Variants in HS6ST3 observed in about 807,000 individuals in gnomAD.
HS6ST3 encodes heparan-sulfate 6-O-sulfotransferase 3.
HS6ST3 carries 12 observed loss-of-function variants against 36.7 expected under a neutral mutation model. The observed-to-expected ratio is 0.33, with a 90% confidence interval of 0.21 to 0.53. HS6ST3 has a LOEUF of 0.53. HS6ST3 is among the 20% of genes least tolerant of loss of function. HS6ST3 has a pLI of 0.95. For missense variants in HS6ST3, 584 were observed against 640.9 expected, an observed-to-expected ratio of 0.91 and a Z score of 0.96; for synonymous variants, 240 against 257.5, an observed-to-expected ratio of 0.93 and a Z score of 0.65.
intron 1 of HS6ST3, among the ~76,000 whole-genome samples, chr13:96,770,898 G>C (rs1481486769): frequency 6.6e-6 from 1 of 152,134 alleles, no homozygotes; most frequent in Non-Finnish European, 1.5e-5. Context: ...TTAGTCCATT[G>C]GCACAATGGC....
At chr13:96,671,547 C>T (rs2138431421) in intron 1 of HS6ST3, among the ~76,000 whole-genome samples, 1 of 152,176 alleles carries the variant, frequency 6.6e-6, no homozygotes, top group Admixed American at 6.5e-5. Flanking sequence ...GTATTTTTCT[C>T]ACAGCTTTGG....
chr13:96,174,270 T>TA (rs2054202294), intron 1 of HS6ST3, among the ~76,000 whole-genome samples: 1 of 152,222 alleles, frequency 6.6e-6, no homozygotes. Flanking sequence ...ATGTTTATAA[T>TA]ATTCTATATA....
chr13:96,691,105 G>A (rs915551208), intron 1 of HS6ST3, among the ~76,000 whole-genome samples: 1 of 152,092 alleles, frequency 6.6e-6, no homozygotes, highest in Non-Finnish European at 1.5e-5. Context: ...TAATGGATCT[G>A]CTTCATTTCA....
chr13:96,376,084 A>G (rs2055313284), intron 1 of HS6ST3, among the ~76,000 whole-genome samples: 1 of 152,172 alleles, frequency 6.6e-6, no homozygotes, highest in African/African-American at 2.4e-5. Context: ...AACATAATCC[A>G]GGCTTCCACC....
intron 1 of HS6ST3, among the ~76,000 whole-genome samples, chr13:96,741,892 C>T (rs947353082): frequency 7.2e-5 from 11 of 152,218 alleles, no homozygotes; most frequent in South Asian, 2.1e-4. Context: ...AGACTGAATA[C>T]GGGGGTCTGA....
intron 1 of HS6ST3, among the ~76,000 whole-genome samples, chr13:96,812,718 A>C (rs1407781345): frequency 6.6e-6 from 1 of 152,126 alleles, no homozygotes. Context: ...AAAGTTGTCA[A>C]CCCATTATGG....
At chr13:96,599,378 G>A (rs1045982716) in intron 1 of HS6ST3, among the ~76,000 whole-genome samples, 1 of 151,956 alleles carries the variant, frequency 6.6e-6, no homozygotes, top group Non-Finnish European at 1.5e-5. Context: ...AAGATCGCAT[G>A]TTCCCAGGAA....
Position 96,162,075 on chromosome 13 carries a change from A to G in HS6ST3, c.707+70506A>G, listed in dbSNP as rs181394100. 3.5e-3 allele frequency among the ~76,000 whole-genome samples: 526 copies of G among 152,352 alleles called. 3 individuals are homozygous for G. The highest frequency in any genetic ancestry group is 0.012 in the African/African-American group (504 of 41,586). On this transcript the variant is annotated intron_variant, in intron 1 of 1. Transcript: ENST00000376705. ...AAATAAAATTATTAAAATGAAAAAC[A>G]TAGCTGATAGGCTGTATCACAGCCT...
intron 1 of HS6ST3, among the ~76,000 whole-genome samples, chr13:96,135,301 A>C (rs1384758686): frequency 6.6e-6 from 1 of 152,106 alleles, no homozygotes; most frequent in African/African-American, 2.4e-5. Flanking sequence ...TTCCTTTTTT[A>C]AAGAAAATAC....
At chr13:96,237,127 C>A (rs1027749047) in intron 1 of HS6ST3, among the ~76,000 whole-genome samples, 2 of 152,172 alleles carry the variant, frequency 1.3e-5, no homozygotes, top group East Asian at 3.9e-4. Flanking sequence ...TTCAATTTAC[C>A]TCTCACTGGG....
chr13:96,784,822 C>T (rs1006657599), intron 1 of HS6ST3, among the ~76,000 whole-genome samples: 10 of 152,094 alleles, frequency 6.6e-5, no homozygotes, highest in East Asian at 1.9e-4. Flanking sequence ...AAATGTTCCT[C>T]ATAAAAATAT....
chr13:96,289,179 C>T (rs1216919637), intron 1 of HS6ST3, among the ~76,000 whole-genome samples: 3 of 152,112 alleles, frequency 2.0e-5, no homozygotes, highest in South Asian at 2.1e-4. Flanking sequence ...AGAACTAATA[C>T]TCTATTTGTA....
Position 96,803,964 on chromosome 13 carries a change from C to T in HS6ST3, c.708-28526C>T, listed in dbSNP as rs568665467. 3.3e-5 allele frequency among the ~76,000 whole-genome samples: 5 copies of T among 152,174 alleles called. No homozygotes were observed. In the South Asian group the frequency reaches 1.0e-3, roughly 32 times the overall value. ...GGAAGTAAGGTGTGGGTCCTGCCCT[C>T]AACAGCCTGCAGCTTATCTGAAGGA... On this transcript the variant is annotated intron_variant, in intron 1 of 1. Coordinates refer to ENST00000376705, the MANE Select transcript of HS6ST3 (RefSeq NM_153456.4).
At chr13:96,591,399 G>T (rs758390642) in intron 1 of HS6ST3, among the ~76,000 whole-genome samples, 2 of 152,096 alleles carry the variant, frequency 1.3e-5, no homozygotes, top group Admixed American at 1.3e-4. Context: ...TTTCATTGAA[G>T]AAATCTTTCA....
chr13:96,491,502 G>C (rs1039175164), intron 1 of HS6ST3, among the ~76,000 whole-genome samples: 1 of 148,414 alleles, frequency 6.7e-6, no homozygotes, highest in South Asian at 2.1e-4. Context: ...ACCCAGAACA[G>C]TGCAGACTCA....
chr13:96,808,153 G>A (rs759469416), intron 1 of HS6ST3, among the ~76,000 whole-genome samples: 3 of 152,122 alleles, frequency 2.0e-5, no homozygotes, highest in Non-Finnish European at 2.9e-5. Flanking sequence ...AGCCTTGGTC[G>A]GAAAAACAGT....
Position 96,090,347 on chromosome 13 carries a change from G to C in HS6ST3, c.-516G>C, listed in dbSNP as rs1441771159. Among the ~76,000 whole-genome samples the C allele has an allele frequency of 6.8e-6, 1 of 146,584 alleles. No homozygotes were observed. The highest frequency in any genetic ancestry group is 1.5e-5 in the Non-Finnish European group (1 of 65,950). ...GGCAAAGGCGCCGGGCGCGCGTGCC[G>C]GGCGCGGTGCCCGCGGCCGGCCGGG... On this transcript the variant is annotated 5_prime_UTR_variant, in exon 1 of 2. Coordinates refer to ENST00000376705, the MANE Select transcript of HS6ST3 (RefSeq NM_153456.4).
At chr13:96,438,228 G>A (rs1406705665) in intron 1 of HS6ST3, among the ~76,000 whole-genome samples, 2 of 152,282 alleles carry the variant, frequency 1.3e-5, no homozygotes, top group African/African-American at 4.8e-5. Context: ...TATTCACTGT[G>A]TAATAATTTG....
chr13:96,636,513 A>G (rs1264643697), intron 1 of HS6ST3, among the ~76,000 whole-genome samples: 1 of 152,160 alleles, frequency 6.6e-6, no homozygotes, highest in Non-Finnish European at 1.5e-5. Flanking sequence ...CATTGGAGGT[A>G]GGGTCTGGGC....
Sources: allele counts gnomAD v4.1 joint callset (sites outside exome capture counted in the v4.1 genomes callset), GRCh38; gene constraint gnomAD v4.1.1; transcripts MANE v1.5; gene names NCBI Gene and HGNC (gene_info 2026-07-23, HGNC 2026-07-21).